The following MYO3A variants were observed in gnomAD, a reference collection of about 807,000 sequenced individuals.
MYO3A encodes myosin IIIA, also known as myosin-IIIa.
MYO3A carries 180 observed loss-of-function variants against 192.7 expected under a neutral mutation model. The observed-to-expected ratio is 0.93, with a 90% CI of 0.83 to 1.06. The LOEUF (loss-of-function observed/expected upper bound fraction) is 1.06, where lower values mean the gene tolerates loss of function less well. Among genes scored for constraint, MYO3A ranks in the 50% least tolerant of loss-of-function variants. The pLI is 0.00. For synonymous variants in MYO3A, 628 were observed against 645.3 expected (o/e 0.97, Z 0.41); for missense variants, 1,896 against 1,905.0 (o/e 1.00, Z 0.09).
chr10:26,063,703 A>G (rs1052669625), intron 10 of MYO3A, among the ~76,000 whole-genome samples: 4 of 152,206 alleles, frequency 2.6e-5, no homozygotes, highest in African/African-American at 7.2e-5. Flanking sequence ...TTTAAGGTGG[A>G]TTGTGAAAAG....
At chr10:26,027,480 G>C (rs1259045283) in intron 10 of MYO3A, among the ~76,000 whole-genome samples, 1 of 151,910 alleles carries the variant, frequency 6.6e-6, no homozygotes, top group Non-Finnish European at 1.5e-5. Context: ...AAGTAGCTGG[G>C]ACTATAGGCA....
intron 20 of MYO3A, among the ~76,000 whole-genome samples, chr10:26,140,936 T>G (rs1396961665): frequency 6.6e-6 from 1 of 152,170 alleles, no homozygotes; most frequent in East Asian, 1.9e-4. Flanking sequence ...TTGTTTGTTT[T>G]TTGTTTTATG....
intron 8 of MYO3A, chr10:26,023,194 T>C (rs1842392922): frequency 6.6e-6 from 1 of 152,228 alleles, no homozygotes; most frequent in South Asian, 2.1e-4. Context: ...CACTTTTCTT[T>C]AATGAGCCTG....
chr10:26,127,418 C>T (rs1445862020), intron 19 of MYO3A, among the ~76,000 whole-genome samples: 1 of 152,156 alleles, frequency 6.6e-6, no homozygotes, highest in Non-Finnish European at 1.5e-5. Context: ...CATCTTGCCT[C>T]ATACAATAAT....
At chr10:26,083,506 T>G (rs1488132422) in intron 14 of MYO3A, among the ~76,000 whole-genome samples, 2 of 152,234 alleles carry the variant, frequency 1.3e-5, no homozygotes, top group Non-Finnish European at 2.9e-5. Flanking sequence ...CTGGTTGCTC[T>G]TATTAGTACT....
rs1588994220 is a variant in MYO3A at position 26,122,503 on chromosome 10, G to T, written c.1903+1701G>T. ...TGTCCCATAAATATCTCTCAAATCT[G>T]ACCACTTCTCTTTATCATCATTGTC... is the stretch of plus-strand genomic sequence containing the variant. On this transcript the variant is annotated intron_variant, in intron 18 of 34. Transcript: ENST00000642920. Among the ~76,000 whole-genome samples, 4 of 152,166 alleles carry T rather than the reference G, an allele frequency of 2.6e-5. No individual in the cohort carries two copies. In the Middle Eastern group the frequency reaches 0.014, roughly 518 times the overall value.
intron 4 of MYO3A, among the ~76,000 whole-genome samples, chr10:25,978,200 T>C (rs1456155461): frequency 1.3e-5 from 2 of 152,218 alleles, no homozygotes; most frequent in Non-Finnish European, 2.9e-5. Context: ...GAAGTGTCTT[T>C]TGTCTTGAAA....
intron 17 of MYO3A, among the ~76,000 whole-genome samples, chr10:26,107,557 T>A (rs1054150047): frequency 4.6e-5 from 7 of 152,210 alleles, no homozygotes; most frequent in African/African-American, 1.7e-4. Context: ...ATTGAGTCTT[T>A]AATTACCTTT....
chr10:26,096,325 A>T, intron 15 of MYO3A, 56 bp from the exon 16 acceptor site: 1 of 1,272,264 alleles, frequency 7.9e-7, no homozygotes, highest in Non-Finnish European at 1.1e-6. Flanking sequence ...TTGTCAAGTA[A>T]CTTAAGCAAG....
At chr10:26,183,130 A>AT (rs1271907398) in intron 31 of MYO3A, among the ~76,000 whole-genome samples, 14 of 151,840 alleles carry the variant, frequency 9.2e-5, no homozygotes, top group Admixed American at 3.9e-4. Context: ...TGTGGGTCTC[A>AT]CCCCCCACAC....
chr10:26,194,495 C>G (rs529218377), intron 32 of MYO3A, among the ~76,000 whole-genome samples: 1 of 152,280 alleles, frequency 6.6e-6, no homozygotes, highest in African/African-American at 2.4e-5. Flanking sequence ...TCTTCCACTC[C>G]CCACTGCCAC....
rs752647752 is a variant in MYO3A at position 25,952,276 on chromosome 10, C to T, written c.166C>T (p.His56Tyr). ...KAAVKILDPI[H>Y]DIDEEIEAEY... Reference sequence around the variant, plus strand: ...AGCAGTCAAAATTCTTGATCCAATTCACGTAAGTCATATTTTTTCCTTCTA... The same window carrying T: ...AGCAGTCAAAATTCTTGATCCAATTTACGTAAGTCATATTTTTTCCTTCTA... Residue 56 changes from histidine to tyrosine, a missense_variant and splice_region_variant, in exon 3 of 35, where the codon CAC becomes TAC. Physicochemically the swap from His to Tyr is moderately conservative, Grantham distance 83 (BLOSUM62 2). Transcript: ENST00000642920. 5.6e-5 allele frequency: 91 copies of T among 1,611,696 alleles called. No homozygotes were observed. The highest frequency in any genetic ancestry group is 7.3e-5 in the Non-Finnish European group (86 of 1,178,694).
At chr10:26,089,616 G>A (rs569813334) in intron 15 of MYO3A, among the ~76,000 whole-genome samples, 1 of 151,720 alleles carries the variant, frequency 6.6e-6, no homozygotes, top group African/African-American at 2.4e-5. Context: ...AAAAAAAATG[G>A]AAGGAATGAT....
In MYO3A at chr10:26,010,466, T is replaced by G. The variant is rs80168769; in HGVS notation, c.509-6354T>G. Among the ~76,000 whole-genome samples, 685 of 138,026 alleles carry G rather than the reference T, an allele frequency of 5.0e-3. 2 individuals carry two copies. Among genetic ancestry groups the G allele is most frequent in the African/African-American group, 7.3e-3 (226 of 30,930 alleles). The allele number at this position is 138,026 out of a possible 152,430, so 90.6% of individuals were successfully genotyped here. A position where few individuals can be genotyped will look rare whatever the true frequency, so the allele number is the denominator to read the frequency against. ...TAAGTAGTTGTTTTTTTTTTTTTTT[T>G]TTTTTGTTTTGTTTTTTTATGGAGT... On this transcript the variant is annotated intron_variant, in intron 6 of 34. Transcript: ENST00000642920.
At chr10:26,146,637 G>C (rs560883189) in intron 22 of MYO3A, among the ~76,000 whole-genome samples, 22 of 152,056 alleles carry the variant, frequency 1.4e-4, no homozygotes, top group African/African-American at 5.3e-4. Flanking sequence ...ATTGGTGTAG[G>C]GTCTTACTCT....
chr10:26,077,221 T>C (rs1835630844), intron 14 of MYO3A, among the ~76,000 whole-genome samples: 1 of 142,664 alleles, frequency 7.0e-6, no homozygotes, highest in Non-Finnish European at 1.5e-5. Context: ...CTTGGTTAGG[T>C]ATATTCCTAA....
At chr10:26,060,276 A>C (rs896859855) in intron 10 of MYO3A, among the ~76,000 whole-genome samples, 7 of 120,944 alleles carry the variant, frequency 5.8e-5, no homozygotes, top group South Asian at 2.8e-4. Flanking sequence ...TAAATAAATA[A>C]ATACATACAT....
chr10:26,131,765 A>G (rs1839548776), intron 20 of MYO3A, among the ~76,000 whole-genome samples: 1 of 152,194 alleles, frequency 6.6e-6, no homozygotes, highest in Non-Finnish European at 1.5e-5. Context: ...AATTTTATGT[A>G]TATTTATTTT....
At position 25,966,026 on chromosome 10, in the gene MYO3A, G is replaced by A. The variant is rs187520221; in HGVS notation, c.303+11018G>A. On this transcript the variant is annotated intron_variant, in intron 4 of 34. Transcript: ENST00000642920. ...ATGAAGTTAAAACCAGATACTATGG[G>A]TGCTCACCAGATTTTCGGTTCTTAA... 3.2e-4 allele frequency among the ~76,000 whole-genome samples: 48 copies of A among 151,758 alleles called. 1 individual carries two copies. The highest frequency in any genetic ancestry group is 2.7e-3 in the Admixed American group (41 of 15,256).
Sources: gnomAD v4.1 joint callset for allele counts (sites outside exome capture counted in the v4.1 genomes callset) on GRCh38, gnomAD v4.1.1 for gene constraint, MANE v1.5 for transcripts, NCBI Gene and HGNC (gene_info 2026-07-23, HGNC 2026-07-21) for gene names.